Variants in TECRL observed in about 807,000 individuals in gnomAD.
TECRL encodes trans-2,3-enoyl-CoA reductase like.
TECRL carries 63 observed loss-of-function variants against 52.8 expected under a neutral mutation model. The observed-to-expected ratio is 1.19, with a 90% CI of 0.97 to 1.47. TECRL has a LOEUF of 1.47. TECRL is among the 40% of genes most tolerant of loss of function. TECRL has a pLI of 0.00. For missense variants in TECRL, 482 were observed against 429.6 expected, an observed-to-expected ratio of 1.12 and a Z score of -1.08; for synonymous variants, 164 against 141.9, an observed-to-expected ratio of 1.16 and a Z score of -1.10.
intron 2 of TECRL, among the ~76,000 whole-genome samples, chr4:64,358,696 C>T (rs1250262998): frequency 2.0e-5 from 3 of 151,696 alleles, no homozygotes; most frequent in African/African-American, 7.2e-5. Context: ...TGTATTGAAT[C>T]TGATGCCTTC....
intron 1 of TECRL, among the ~76,000 whole-genome samples, chr4:64,398,167 C>T (rs540891500): frequency 2.0e-5 from 3 of 151,788 alleles, no homozygotes; most frequent in Non-Finnish European, 4.4e-5. Context: ...TATCTATGTC[C>T]TAATTTATTC....
chr4:64,395,167 G>A (rs781470754), intron 1 of TECRL, among the ~76,000 whole-genome samples: 11 of 151,788 alleles, frequency 7.2e-5, no homozygotes, highest in Non-Finnish European at 1.6e-4. Flanking sequence ...TGATCCTCCT[G>A]TCTCAGCCCC....
chr4:64,281,417 C>T, intron 10 of TECRL, 57 bp downstream of exon 10: 4 of 1,008,546 alleles, frequency 4.0e-6, no homozygotes, highest in East Asian at 5.0e-5. Flanking sequence ...TACATAAGCA[C>T]ATGCATTTAG....
At chr4:64,338,838 C>A (rs550211779) in intron 2 of TECRL, among the ~76,000 whole-genome samples, 2 of 152,162 alleles carry the variant, frequency 1.3e-5, no homozygotes, top group Non-Finnish European at 2.9e-5. Context: ...GTTGGTAGGA[C>A]TGTAAACTAG....
chr4:64,281,617 G>T, intron 9 of TECRL, 58 bp from the exon 10 acceptor site: 2 of 881,890 alleles, frequency 2.3e-6, no homozygotes, highest in Non-Finnish European at 3.6e-6. Flanking sequence ...CTGATCATAT[G>T]CTTATTATAT....
In TECRL at chr4:64,291,175, G is replaced by T. The variant is rs1489041417; in HGVS notation, c.775-1408C>A. On this transcript the variant is annotated intron_variant, in intron 8 of 11. Coordinates refer to ENST00000381210, the MANE Select transcript of TECRL (RefSeq NM_001010874.5). ...CACCTAAATGCAAATATTAACTTCT[G>T]TCTCTAGAGAATTCATGACAATTGA... 2.0e-5 allele frequency among the ~76,000 whole-genome samples: 3 copies of T among 151,892 alleles called. No homozygotes were observed. The East Asian group carries it at 5.8e-4, about 29-fold the overall frequency.
intron 3 of TECRL, among the ~76,000 whole-genome samples, chr4:64,324,856 G>T (rs1718143685): frequency 6.6e-6 from 1 of 152,132 alleles, no homozygotes; most frequent in East Asian, 1.9e-4. Flanking sequence ...GAACACATGT[G>T]TGGTAGGCAG....
At chr4:64,306,642 T>C (rs1724356801) in intron 6 of TECRL, among the ~76,000 whole-genome samples, 1 of 152,152 alleles carries the variant, frequency 6.6e-6, no homozygotes, top group Non-Finnish European at 1.5e-5. Flanking sequence ...ACAAGGGATA[T>C]ATAAAGATTT....
intron 1 of TECRL, among the ~76,000 whole-genome samples, chr4:64,401,085 C>A (rs918055832): frequency 3.3e-5 from 5 of 152,148 alleles, no homozygotes; most frequent in Non-Finnish European, 5.9e-5. Context: ...CACAAGATTT[C>A]TTCTCCGTTT....
chr4:64,285,909 A>G (rs955231180), intron 9 of TECRL, among the ~76,000 whole-genome samples: 1 of 152,032 alleles, frequency 6.6e-6, no homozygotes, highest in African/African-American at 2.4e-5. Flanking sequence ...TTTGGAAAAC[A>G]AGGATGTTAG....
At chr4:64,367,335 CA>C (rs1361514035) in intron 2 of TECRL, among the ~76,000 whole-genome samples, 1 of 152,074 alleles carries the variant, frequency 6.6e-6, no homozygotes, top group East Asian at 1.9e-4. Flanking sequence ...ACCCCAACAA[CA>C]AGCAATTTAC....
At chr4:64,397,898 A>ATGTGTGTGTGTGTGTGTGTGTG (rs56714682) in intron 1 of TECRL, 1 of 150,080 alleles carries the variant, frequency 6.7e-6, no homozygotes, top group African/African-American at 2.4e-5. Context: ...GGAAAGAAAT[A>ATGTGTGTGTGTGTGTGTGTGTG]TGTGTGTGTG....
At chr4:64,310,140 A>G (rs1724585604) in intron 5 of TECRL, among the ~76,000 whole-genome samples, 1 of 152,228 alleles carries the variant, frequency 6.6e-6, no homozygotes, top group Non-Finnish European at 1.5e-5. Context: ...GAGTCTCTAT[A>G]AATTTACTTC....
At chr4:64,285,128 T>G (rs1450873691) in intron 9 of TECRL, among the ~76,000 whole-genome samples, 4 of 152,136 alleles carry the variant, frequency 2.6e-5, no homozygotes, top group Admixed American at 1.3e-4. Context: ...TTGCACAATA[T>G]GTACATTTGA....
At chr4:64,384,085 C>A (rs192299850) in intron 1 of TECRL, among the ~76,000 whole-genome samples, 25 of 152,208 alleles carry the variant, frequency 1.6e-4, no homozygotes, top group Admixed American at 1.6e-3. Context: ...ATTAGAACAT[C>A]AGGTGGGTAA....
chr4:64,342,807 T>C (rs1171737003), intron 2 of TECRL, among the ~76,000 whole-genome samples: 2 of 152,076 alleles, frequency 1.3e-5, no homozygotes, highest in African/African-American at 4.8e-5. Context: ...TAAATTATAG[T>C]TTTAAAGCAA....
chr4:64,332,012 T>G (rs1313614580), intron 2 of TECRL, among the ~76,000 whole-genome samples: 1 of 152,132 alleles, frequency 6.6e-6, no homozygotes, highest in Admixed American at 6.5e-5. Context: ...GAAAATATTT[T>G]ATCAAAATCT....
At chr4:64,293,574 T>C (rs966316893) in intron 8 of TECRL, among the ~76,000 whole-genome samples, 6 of 152,146 alleles carry the variant, frequency 3.9e-5, no homozygotes, top group Non-Finnish European at 8.8e-5. Context: ...CCCGCTGTCA[T>C]TGTGGAATGA....
Position 64,382,377 on chromosome 4 carries a change from A to C in TECRL, c.235-7154T>G, listed in dbSNP as rs190099698. ...CACACTTACACACACATACACACAC[A>C]CTATATAGTGTTGTTAGGTGTTTGT... On this transcript the variant is annotated intron_variant, in intron 1 of 11. Coordinates refer to ENST00000381210, the MANE Select transcript of TECRL (RefSeq NM_001010874.5). Among the ~76,000 whole-genome samples, 373 of 147,786 alleles carry C rather than the reference A, an allele frequency of 2.5e-3. 1 individual carries two copies. The highest frequency in any genetic ancestry group is 8.6e-3 in the African/African-American group (343 of 40,076).
Sources: gnomAD v4.1 joint callset for allele counts (sites outside exome capture counted in the v4.1 genomes callset) on GRCh38, gnomAD v4.1.1 for gene constraint, MANE v1.5 for transcripts, NCBI Gene and HGNC (gene_info 2026-07-23, HGNC 2026-07-21) for gene names.